Variants in FOXP2 observed in about 807,000 individuals in gnomAD.
FOXP2 encodes the protein forkhead box protein P2.
FOXP2 carries 12 observed loss-of-function variants against 115.8 expected under a neutral mutation model. The observed-to-expected ratio is 0.10, with a 90% confidence interval of 0.07 to 0.17. The LOEUF (loss-of-function observed/expected upper bound fraction) is 0.17. Ranked by LOEUF, FOXP2 falls within the 10% of genes least tolerant of loss-of-function variation. The pLI is 1.00. For synonymous variants in FOXP2, 328 were observed against 297.7 expected (o/e 1.10, Z -1.05); for missense variants, 629 against 843.5 (o/e 0.75, Z 3.15).
intron 1 of FOXP2, among the ~76,000 whole-genome samples, chr7:114,230,975 TACAC>T (rs3086371): frequency 0.025 from 3,708 of 146,232 alleles, 36 homozygotes; most frequent in Middle Eastern, 0.031. Flanking sequence ...CCCTAAAGAT[TACAC>T]ACACACACAC....
chr7:114,353,211 A>G (rs566176968), intron 2 of FOXP2, among the ~76,000 whole-genome samples: 2 of 152,102 alleles, frequency 1.3e-5, no homozygotes, highest in African/African-American at 4.8e-5. Context: ...CAAGATTGCT[A>G]TCTGAAGTTT....
intron 8 of FOXP2, among the ~76,000 whole-genome samples, chr7:114,649,102 G>C (rs1806085990): frequency 6.6e-6 from 1 of 152,046 alleles, no homozygotes; most frequent in African/African-American, 2.4e-5. Flanking sequence ...TGGTGTTAGT[G>C]ATTGCATGGG....
chr7:114,319,021 T>A (rs1236424678), intron 2 of FOXP2, among the ~76,000 whole-genome samples: 1 of 152,116 alleles, frequency 6.6e-6, no homozygotes, highest in African/African-American at 2.4e-5. Flanking sequence ...TAAATTGGGG[T>A]TCCAATACCA....
intron 1 of FOXP2, among the ~76,000 whole-genome samples, chr7:114,285,984 C>A (rs889226555): frequency 5.9e-4 from 90 of 151,726 alleles, no homozygotes; most frequent in Non-Finnish European, 1.1e-3. Flanking sequence ...CTTTTTAGGC[C>A]ATGTTTCAGA....
At chr7:114,687,184 T>C (rs1396188544) in intron 16 of FOXP2, among the ~76,000 whole-genome samples, 4 of 152,168 alleles carry the variant, frequency 2.6e-5, no homozygotes, top group Non-Finnish European at 5.9e-5. Flanking sequence ...AGAGTTTTGA[T>C]GAACACCCAA....
chr7:114,120,670 ATGTGTGTGTG>A (rs571409501), intron 1 of FOXP2, among the ~76,000 whole-genome samples: 2 of 147,206 alleles, frequency 1.4e-5, no homozygotes, highest in South Asian at 2.2e-4. Flanking sequence ...TCATATATGT[ATGTGTGTGTG>A]TGTGTGTGTG....
At chr7:114,529,788 T>G (rs1025448770) in intron 2 of FOXP2, among the ~76,000 whole-genome samples, 4 of 151,800 alleles carry the variant, frequency 2.6e-5, no homozygotes, top group Non-Finnish European at 4.4e-5. Context: ...TTTCTTCTAT[T>G]AAATAACATT....
chr7:114,214,683 T>C, intron 1 of FOXP2, among the ~76,000 whole-genome samples: 1 of 152,244 alleles, frequency 6.6e-6, no homozygotes, highest in African/African-American at 2.4e-5. Context: ...GGGTCGTTGC[T>C]CAGTCACTGC....
chr7:114,419,623 A>C (rs1793520889), intron 1 of FOXP2, among the ~76,000 whole-genome samples: 1 of 151,798 alleles, frequency 6.6e-6, no homozygotes, highest in Admixed American at 6.6e-5. Flanking sequence ...CTAATGCCTA[A>C]AATAAAGTTC....
intron 1 of FOXP2, among the ~76,000 whole-genome samples, chr7:114,207,055 T>C (rs1374276385): frequency 6.6e-6 from 1 of 152,230 alleles, no homozygotes; most frequent in Non-Finnish European, 1.5e-5. Flanking sequence ...AATTGAGTAA[T>C]ACAGTGTTGT....
At chr7:114,284,100 C>T (rs899190017) in intron 1 of FOXP2, among the ~76,000 whole-genome samples, 14 of 152,080 alleles carry the variant, frequency 9.2e-5, no homozygotes, top group Non-Finnish European at 1.5e-5. Context: ...CTTTTGCCTG[C>T]CACAGCATAC....
chr7:114,341,852 C>T (rs1459056903), intron 2 of FOXP2, among the ~76,000 whole-genome samples: 1 of 151,352 alleles, frequency 6.6e-6, no homozygotes, highest in Non-Finnish European at 1.5e-5. Context: ...ATAGTCTGCT[C>T]ATAAACTTAT....
At chr7:114,332,769 T>C (rs1343348428) in intron 2 of FOXP2, among the ~76,000 whole-genome samples, 1 of 152,176 alleles carries the variant, frequency 6.6e-6, no homozygotes, top group Non-Finnish European at 1.5e-5. Context: ...TTCTGGGATT[T>C]GTTAAACATC....
intron 1 of FOXP2, among the ~76,000 whole-genome samples, chr7:114,227,804 G>A (rs188213795): frequency 2.0e-5 from 3 of 152,026 alleles, no homozygotes; most frequent in Non-Finnish European, 2.9e-5. Flanking sequence ...ATGAAGCAGC[G>A]TTAATACGTA....
chr7:114,410,311 C>T (rs555067840), upstream of FOXP2, among the ~76,000 whole-genome samples: 12 of 152,182 alleles, frequency 7.9e-5, no homozygotes, highest in South Asian at 2.3e-3. Context: ...TGACACCCAA[C>T]AGAGTACTCT....
At chr7:114,111,049 A>T (rs1174922928) in intron 1 of FOXP2, among the ~76,000 whole-genome samples, 1 of 152,170 alleles carries the variant, frequency 6.6e-6, no homozygotes, top group Non-Finnish European at 1.5e-5. Context: ...TGATTTAAGT[A>T]TCAGAGGATT....
At chr7:114,281,990 G>GATA (rs1796349439) in intron 1 of FOXP2, among the ~76,000 whole-genome samples, 1 of 152,092 alleles carries the variant, frequency 6.6e-6, no homozygotes, top group African/African-American at 2.4e-5. Flanking sequence ...ACTCTGTACA[G>GATA]ATAATGCTTA....
At chr7:114,338,240 T>C (rs1797906617) in intron 2 of FOXP2, among the ~76,000 whole-genome samples, 1 of 151,076 alleles carries the variant, frequency 6.6e-6, no homozygotes, top group Non-Finnish European at 1.5e-5. Flanking sequence ...AATAAAAGAA[T>C]GTAACATTGA....
chr7:114,286,455 T>G (rs866202763), intron 1 of FOXP2, among the ~76,000 whole-genome samples: 2 of 151,996 alleles, frequency 1.3e-5, no homozygotes, highest in Non-Finnish European at 2.9e-5. Context: ...GAAGTTTCCC[T>G]ATGAATATTG....
Sources: gnomAD v4.1 joint callset for allele counts (sites outside exome capture counted in the v4.1 genomes callset) on GRCh38, gnomAD v4.1.1 for gene constraint, MANE v1.5 for transcripts, NCBI Gene and HGNC (gene_info 2026-07-23, HGNC 2026-07-21) for gene names.